Variants in SEPTIN7 observed in about 807,000 individuals in gnomAD.
SEPTIN7 encodes the protein septin 7.
In SEPTIN7, 10 loss-of-function variants were observed where a neutral mutation model predicts 63.3. The observed-to-expected ratio is 0.16, with a 90% CI of 0.10 to 0.27. SEPTIN7 has a LOEUF of 0.27. Ranked by LOEUF, SEPTIN7 falls within the 10% of genes least tolerant of loss-of-function variation. The probability of loss-of-function intolerance (pLI) is 1.00; values close to 1 mark genes in which losing one functional copy is unlikely to be tolerated. For missense variants in SEPTIN7, 310 were observed against 521.0 expected, an observed-to-expected ratio of 0.59 and a Z score of 3.94; for synonymous variants, 131 against 165.3, an observed-to-expected ratio of 0.79 and a Z score of 1.59.
chr7:35,863,340 G>A (rs1422735434), intron 3 of SEPTIN7, among the ~76,000 whole-genome samples: 2 of 152,036 alleles, frequency 1.3e-5, no homozygotes, highest in Non-Finnish European at 1.5e-5. Flanking sequence ...ATAATTAGAA[G>A]ACTGAAAAGA....
At chr7:35,902,316 T>G (rs1430081421) in intron 12 of SEPTIN7, 1 of 152,100 alleles carries the variant, frequency 6.6e-6, no homozygotes, top group Admixed American at 6.6e-5. Flanking sequence ...TTACTTCGCA[T>G]GAGTGTTTAC....
At chr7:35,847,452 C>T (rs745477972) in intron 3 of SEPTIN7, 3 of 156,562 alleles carry the variant, frequency 1.9e-5, no homozygotes, top group Non-Finnish European at 2.9e-5. Context: ...CACAGCTGCT[C>T]GGAAATCTCT....
Position 35,885,880 on chromosome 7 carries a change from G to A in SEPTIN7, c.872+1G>A. The A allele has an allele frequency of 6.3e-7, 1 of 1,588,268 alleles. No individual in the cohort carries two copies. ...CAATCCTAAGAAATATGTTGATAAG[G>A]TAAGTGCAAGCAATGATGGAAATAG... On this transcript the variant is annotated splice_donor_variant, in intron 10 of 13. Coordinates refer to ENST00000350320, the MANE Select transcript of SEPTIN7 (RefSeq NM_001788.6). LOFTEE classifies it high-confidence loss of function.
intron 1 of SEPTIN7, among the ~76,000 whole-genome samples, chr7:35,807,103 T>A (rs1583479224): frequency 6.6e-6 from 1 of 152,246 alleles, no homozygotes; most frequent in Non-Finnish European, 1.5e-5. Context: ...TATCAGACAC[T>A]TTGACACCAT....
In SEPTIN7 at chr7:35,883,863, A is replaced by G. The variant is rs770376674; in HGVS notation, c.724-28A>G. The G allele has an allele frequency of 5.9e-6, 8 of 1,364,204 alleles. No homozygotes were observed. The Admixed American group carries it at 8.5e-5, about 14-fold the overall frequency. The allele number at this position is 1,364,204 out of a possible 1,614,324, so 84.5% of individuals were successfully genotyped here. A position where few individuals can be genotyped will look rare whatever the true frequency, so the allele number is the denominator to read the frequency against. ...GAATTTGTGAGGACTACAGAGATGTATTTGAACAAGAATACTTTGTTTTAT... is the reference window on the plus strand; with the variant it reads ...GAATTTGTGAGGACTACAGAGATGTGTTTGAACAAGAATACTTTGTTTTAT... On this transcript the variant is annotated intron_variant, in intron 8 of 13. Coordinates refer to ENST00000350320, the MANE Select transcript of SEPTIN7 (RefSeq NM_001788.6).
At chr7:35,882,620 A>T (rs1466872447) in intron 8 of SEPTIN7, 44 bp downstream of exon 8, 1 of 1,300,536 alleles carries the variant, frequency 7.7e-7, no homozygotes, top group African/African-American at 1.5e-5. Context: ...CTGAGGCCTT[A>T]AAAACATACT....
chr7:35,848,585 C>G (rs558958581), intron 3 of SEPTIN7, among the ~76,000 whole-genome samples: 17 of 152,234 alleles, frequency 1.1e-4, no homozygotes, highest in African/African-American at 4.1e-4. Context: ...TTTAGAGGAG[C>G]ATTGAGGGAC....
At chr7:35,832,591 T>G (rs1342097155) in intron 2 of SEPTIN7, 3 of 406,878 alleles carry the variant, frequency 7.4e-6, no homozygotes, top group Non-Finnish European at 1.4e-5. Context: ...ATTTTTATAA[T>G]TAACCATTAT....
intron 3 of SEPTIN7, among the ~76,000 whole-genome samples, chr7:35,849,838 A>G (rs1390162494): frequency 1.3e-5 from 2 of 151,964 alleles, no homozygotes; most frequent in African/African-American, 4.8e-5. Context: ...ATTACTGACC[A>G]TTTTTTCCTT....
intron 6 of SEPTIN7, among the ~76,000 whole-genome samples, chr7:35,875,419 A>T (rs183953599): frequency 7.9e-5 from 12 of 152,282 alleles, no homozygotes; most frequent in Middle Eastern, 3.4e-3. Flanking sequence ...CTACAGACTG[A>T]AATTCCATGC....
intron 1 of SEPTIN7, among the ~76,000 whole-genome samples, chr7:35,804,623 A>G (rs1401196097): frequency 6.6e-6 from 1 of 152,184 alleles, no homozygotes; most frequent in African/African-American, 2.4e-5. Flanking sequence ...AGAGTAGGTT[A>G]GATTGTAATT....
chr7:35,816,796 T>C (rs1412283297), intron 1 of SEPTIN7, among the ~76,000 whole-genome samples: 4 of 152,186 alleles, frequency 2.6e-5, no homozygotes, highest in African/African-American at 9.7e-5. Context: ...CATTGTGGTT[T>C]TAATTTGCAT....
intron 3 of SEPTIN7, among the ~76,000 whole-genome samples, chr7:35,842,940 A>C (rs528282146): frequency 6.6e-6 from 1 of 152,072 alleles, no homozygotes; most frequent in African/African-American, 2.4e-5. Context: ...TTATATATAT[A>C]TGTGTGTGTG....
chr7:35,868,193 A>G (rs1239823031), intron 4 of SEPTIN7, among the ~76,000 whole-genome samples: 10 of 152,048 alleles, frequency 6.6e-5, no homozygotes, highest in Admixed American at 1.3e-4. Context: ...TTGTAAATCA[A>G]ACTCTGTAGA....
chr7:35,875,675 A>C (rs1272047161), intron 6 of SEPTIN7, among the ~76,000 whole-genome samples: 3 of 152,208 alleles, frequency 2.0e-5, no homozygotes, highest in Admixed American at 6.5e-5. Flanking sequence ...TGGAACATGA[A>C]TTTTAAAATG....
intron 1 of SEPTIN7, among the ~76,000 whole-genome samples, chr7:35,812,289 T>C (rs1788776898): frequency 6.6e-6 from 1 of 151,558 alleles, no homozygotes; most frequent in Non-Finnish European, 1.5e-5. Context: ...GAGAGGTAAT[T>C]ACATAGACAT....
At chr7:35,857,664 A>T (rs1017769145) in intron 3 of SEPTIN7, among the ~76,000 whole-genome samples, 1 of 152,198 alleles carries the variant, frequency 6.6e-6, no homozygotes, top group Non-Finnish European at 1.5e-5. Flanking sequence ...TGCTTCACAT[A>T]GTCAATGTTA....
At chr7:35,882,846 C>A (rs1382368108) in intron 8 of SEPTIN7, among the ~76,000 whole-genome samples, 2 of 151,770 alleles carry the variant, frequency 1.3e-5, no homozygotes, top group African/African-American at 4.8e-5. Flanking sequence ...TAATTTTTTT[C>A]TCTTAAAAAA....
intron 1 of SEPTIN7, among the ~76,000 whole-genome samples, chr7:35,811,900 T>A (rs916243747): frequency 6.6e-6 from 1 of 152,084 alleles, no homozygotes; most frequent in African/African-American, 2.4e-5. Context: ...CAGGTGCCTA[T>A]AATCCCAGCT....
Sources: gnomAD v4.1 joint callset for allele counts (sites outside exome capture counted in the v4.1 genomes callset) on GRCh38, gnomAD v4.1.1 for gene constraint, MANE v1.5 for transcripts, NCBI Gene and HGNC (gene_info 2026-07-23, HGNC 2026-07-21) for gene names.